The following DOCK11 variants were observed in gnomAD, a reference collection of about 807,000 sequenced individuals.
The protein encoded by DOCK11 is dedicator of cytokinesis 11, also known as dedicator of cytokinesis protein 11.
Under a neutral mutation model 169.1 loss-of-function variants are expected in DOCK11, and 70 were observed. The observed-to-expected ratio is 0.41, with a 90% CI of 0.34 to 0.51. The LOEUF is 0.51. Ranked by LOEUF, DOCK11 falls within the 20% of genes least tolerant of loss-of-function variation. DOCK11 has a pLI of 0.10. For missense variants in DOCK11, 1,166 were observed against 1,538.8 expected, an observed-to-expected ratio of 0.76 and a Z score of 4.05; for synonymous variants, 529 against 541.3, an observed-to-expected ratio of 0.98 and a Z score of 0.32.
Position 118,578,420 on chromosome X carries a change from G to C in DOCK11, c.1390-105G>C, listed in dbSNP as rs756533038. 6 of 920,663 alleles carry C rather than the reference G, an allele frequency of 6.5e-6. No homozygotes were observed. The East Asian group carries it at 2.1e-4, about 32-fold the overall frequency. The allele number at this position is 920,663 out of a possible 1,213,427, so 75.9% of individuals were successfully genotyped here. A position where few individuals can be genotyped will look rare whatever the true frequency, so the allele number is the denominator to read the frequency against. ...TATCTATTTCTAGGGTCCTGGACATGATCCTTTGTTGAATATGAACATTGT... is the reference window on the plus strand; with the variant it reads ...TATCTATTTCTAGGGTCCTGGACATCATCCTTTGTTGAATATGAACATTGT... On this transcript the variant is annotated intron_variant, in intron 12 of 52. Coordinates refer to ENST00000276202, the MANE Select transcript of DOCK11 (RefSeq NM_144658.4).
intron 28 of DOCK11, among the ~76,000 whole-genome samples, chrX:118,612,975 G>A (rs761761103): frequency 5.0e-4 from 56 of 111,597 alleles, no homozygotes; most frequent in Non-Finnish European, 9.4e-4. Context: ...TCGAGTCAGG[G>A]CAACCGATTA....
intron 35 of DOCK11, among the ~76,000 whole-genome samples, chrX:118,631,713 G>A (rs979210136): frequency 1.8e-5 from 2 of 109,938 alleles, no homozygotes; most frequent in Admixed American, 1.9e-4. Context: ...AAAAAAAATA[G>A]GTCCAAGAGA....
At position 118,569,694 on chromosome X, in the gene DOCK11, C is replaced by T. The variant is rs2013212592; in HGVS notation, c.1035+1532C>T. Among the ~76,000 whole-genome samples the T allele has an allele frequency of 3.7e-5, 4 of 109,566 alleles. No homozygotes were observed. The Admixed American group carries it at 3.9e-4, about 11-fold the overall frequency. ...AAAATAATTTCATTTCCCTTTCTCC[C>T]CCCACGGAGTTAAATATTGCTTTAG... On this transcript the variant is annotated intron_variant, in intron 10 of 52. Transcript: ENST00000276202.
intron 14 of DOCK11, among the ~76,000 whole-genome samples, 198 bp downstream of exon 14, chrX:118,580,377 C>T (rs1202981961): frequency 1.8e-5 from 2 of 111,645 alleles, no homozygotes; most frequent in East Asian, 5.6e-4. Context: ...AGTGCAGTGG[C>T]GCGATCTCGG....
chrX:118,559,254 A>G (rs1408568693), intron 6 of DOCK11, among the ~76,000 whole-genome samples: 1 of 111,732 alleles, frequency 8.9e-6, no homozygotes. Context: ...ATTTGACTGT[A>G]TGCCACAAAT....
chrX:118,626,853 C>G (rs1286472105), intron 32 of DOCK11, among the ~76,000 whole-genome samples: 1 of 112,531 alleles, frequency 8.9e-6, no homozygotes, highest in Non-Finnish European at 1.9e-5. Context: ...GTATTCTTTG[C>G]AGCTCAAGTT....
At chrX:118,597,336 C>T in intron 20 of DOCK11, 95 bp from the exon 21 acceptor site, 1 of 1,113,912 alleles carries the variant, frequency 9.0e-7, no homozygotes, top group South Asian at 1.9e-5. Flanking sequence ...TCCCTGGAGA[C>T]ATCACCACCC....
chrX:118,604,739 G>A (rs1388970311), intron 23 of DOCK11, among the ~76,000 whole-genome samples: 3 of 110,738 alleles, frequency 2.7e-5, no homozygotes, highest in Non-Finnish European at 3.8e-5. Context: ...GAGATTCTTA[G>A]ACTGCAAAAG....
rs2013294170 is a variant in DOCK11, at chrX:118,572,108, A to G, written c.1036-215A>G. ...GACTTGTGACTTTTCCATTGCCCTT[A>G]GATCCGAGTTTCATCATCTCCCTCT... is the stretch of plus-strand genomic sequence containing the variant. On this transcript the variant is annotated intron_variant, in intron 10 of 52. Transcript: ENST00000276202. Among the ~76,000 whole-genome samples the G allele has an allele frequency of 2.7e-5, 3 of 112,209 alleles. No homozygotes were observed. The South Asian group carries it at 1.1e-3, about 42-fold the overall frequency.
In DOCK11 at chrX:118,553,511, G is replaced by A. The variant is rs772746113; in HGVS notation, c.558+7395G>A. Among the ~76,000 whole-genome samples, 17 of 111,351 alleles carry A rather than the reference G, an allele frequency of 1.5e-4. No individual in the cohort carries two copies. The South Asian group carries it at 6.0e-3, about 39-fold the overall frequency. ...GCTGAAGTGCCTTGATATGATATCG[G>A]GGTTGCAAGTTCAACTGGTTGATGT... is the stretch of plus-strand genomic sequence containing the variant. On this transcript the variant is annotated intron_variant, in intron 6 of 52. Coordinates refer to ENST00000276202, the MANE Select transcript of DOCK11 (RefSeq NM_144658.4).
intron 36 of DOCK11, among the ~76,000 whole-genome samples, chrX:118,637,122 G>C (rs955766351): frequency 1.8e-5 from 2 of 111,686 alleles, no homozygotes; most frequent in African/African-American, 6.5e-5. Flanking sequence ...AATGTCAGAA[G>C]AATAAACAGC....
chrX:118,505,358 T>C (rs749187536), intron 1 of DOCK11, among the ~76,000 whole-genome samples: 7 of 112,491 alleles, frequency 6.2e-5, no homozygotes, highest in Non-Finnish European at 1.3e-4. Flanking sequence ...TAATGTATAA[T>C]ATTGAAAGCA....
At chrX:118,596,096 A>T (rs1011905564) in intron 20 of DOCK11, among the ~76,000 whole-genome samples, 3 of 112,596 alleles carry the variant, frequency 2.7e-5, no homozygotes, top group Non-Finnish European at 3.8e-5. Flanking sequence ...ATTTCTATTT[A>T]AAAATGTTGC....
chrX:118,618,767 G>A (rs764003486), intron 31 of DOCK11, 39 bp downstream of exon 31: 7 of 1,022,939 alleles, frequency 6.8e-6, no homozygotes, highest in Non-Finnish European at 9.1e-6. Flanking sequence ...CACACTGGTA[G>A]AGTTCTACTA....
At chrX:118,527,141 C>A (rs762696519) in intron 1 of DOCK11, among the ~76,000 whole-genome samples, 2 of 112,130 alleles carry the variant, frequency 1.8e-5, no homozygotes, top group African/African-American at 6.5e-5. Flanking sequence ...ACTGTATATA[C>A]TTTTATCATT....
chrX:118,572,537 CA>C, intron 11 of DOCK11, 74 bp downstream of exon 11: 1 of 1,008,540 alleles, frequency 9.9e-7, no homozygotes, highest in Non-Finnish European at 1.3e-6. Flanking sequence ...ATAATTTGTA[CA>C]CCAAACCTCC....
chrX:118,659,312 G>A (rs1396385713), intron 44 of DOCK11, among the ~76,000 whole-genome samples: 1 of 111,740 alleles, frequency 8.9e-6, no homozygotes, highest in Non-Finnish European at 1.9e-5. Flanking sequence ...GCTATAAACA[G>A]CAAGGTCAAG....
intron 50 of DOCK11, 35 bp from the exon 51 acceptor site, chrX:118,681,659 G>A: frequency 1.9e-6 from 2 of 1,026,058 alleles, no homozygotes; most frequent in Non-Finnish European, 2.6e-6. Flanking sequence ...ATTGCATTCT[G>A]GAAACACTCT....
At chrX:118,669,916 C>T (rs181551172) in intron 45 of DOCK11, among the ~76,000 whole-genome samples, 2 of 111,513 alleles carry the variant, frequency 1.8e-5, no homozygotes, top group Admixed American at 1.9e-4. Context: ...CCTCTGTAGT[C>T]TCATGGTGTT....
Sources: allele counts gnomAD v4.1 joint callset (sites outside exome capture counted in the v4.1 genomes callset), GRCh38; gene constraint gnomAD v4.1.1; transcripts MANE v1.5; gene names NCBI Gene and HGNC (gene_info 2026-07-23, HGNC 2026-07-21).